The following FAM135B variants were observed in gnomAD, a reference collection of about 807,000 sequenced individuals.
FAM135B encodes the protein protein FAM135B.
A neutral mutation model predicts 127.7 loss-of-function variants in FAM135B; 43 were observed. The observed-to-expected ratio is 0.34, with a 90% confidence interval of 0.26 to 0.43. The LOEUF is 0.43. Ranked by LOEUF, FAM135B falls within the 20% of genes least tolerant of loss-of-function variation. The pLI, the probability that FAM135B is intolerant of heterozygous loss-of-function variation, is 1.00. For missense variants in FAM135B, 1,558 were observed against 1,725.6 expected (o/e 0.90, Z 1.72); for synonymous variants, 670 against 665.1 (o/e 1.01, Z -0.11).
intron 1 of FAM135B, among the ~76,000 whole-genome samples, chr8:138,456,288 T>C (rs1326990461): frequency 6.6e-6 from 1 of 152,238 alleles, no homozygotes; most frequent in Non-Finnish European, 1.5e-5. Flanking sequence ...GTCACCAAAA[T>C]GAACTAAGAG....
rs931915969 is a variant in FAM135B at position 138,497,058 on chromosome 8, C to T, written c.-407G>A. Among the ~76,000 whole-genome samples the T allele has an allele frequency of 4.6e-5, 7 of 151,844 alleles. No individual in the cohort carries two copies. Among genetic ancestry groups the T allele is most frequent in the Non-Finnish European group, 7.4e-5 (5 of 67,922 alleles). ...AGCGCCGCAAGAAAGCAAGGACCGA[C>T]CGGCTGCGCCCGCGCCGCTGGGCTG... On this transcript the variant is annotated 5_prime_UTR_variant, in exon 1 of 20. Transcript: ENST00000395297.
rs2130691298 is a variant in FAM135B, at chr8:138,148,597, G to A, written c.3371C>T (p.Pro1124Leu). 4 of 1,612,302 alleles carry A rather than the reference G, an allele frequency of 2.5e-6. No homozygotes were observed. The highest frequency in any genetic ancestry group is 1.3e-5 in the African/African-American group (1 of 74,996). ...TTCCTCTTCCTCTGGTGGGAAATAT[G>A]GTATATCAGAAGCTAGTACAGTTAA... ...SDLTVLASDI[P>L]YFPPEEEEEN... is the part of the protein sequence containing the mutation. The change falls in exon 14 of 20, where the codon CCA (proline) becomes CTA (leucine). Residue 1124 changes from proline to leucine, a missense_variant. This residue lies in a region of FAM135B where 923 missense variants were observed against 865.3 expected (regional missense o/e 1.07). Transcript: ENST00000395297.
At chr8:138,454,949 G>A (rs549730173) in intron 1 of FAM135B, among the ~76,000 whole-genome samples, 26 of 152,270 alleles carry the variant, frequency 1.7e-4, no homozygotes, top group Middle Eastern at 6.8e-3. Flanking sequence ...TTCAATAAAC[G>A]TATTGAGTCA....
At chr8:138,229,729 C>T (rs542557065) in intron 7 of FAM135B, among the ~76,000 whole-genome samples, 33 of 152,150 alleles carry the variant, frequency 2.2e-4, no homozygotes, top group Admixed American at 6.5e-4. Flanking sequence ...TTAATTGACT[C>T]CCAGTTTCAC....
chr8:138,402,185 C>G (rs567322573), intron 1 of FAM135B, among the ~76,000 whole-genome samples: 5 of 143,276 alleles, frequency 3.5e-5, no homozygotes, highest in Non-Finnish European at 7.5e-5. Context: ...GCAGACTCAG[C>G]AGTACCTGGA....
intron 3 of FAM135B, among the ~76,000 whole-genome samples, chr8:138,272,715 G>A (rs937018526): frequency 6.6e-6 from 1 of 152,180 alleles, no homozygotes; most frequent in African/African-American, 2.4e-5. Context: ...GTTGCCTCTA[G>A]TACACTTTAG....
At position 138,242,157 on chromosome 8, in the gene FAM135B, A is replaced by C. The variant is rs1820840071; in HGVS notation, c.669+785T>G. Reference sequence around the variant, plus strand: ...ATCATGTGAGTCAATTACTTATGATAAATCTCTTTGTGTGTGTGTGTGTGT... The same window carrying C: ...ATCATGTGAGTCAATTACTTATGATCAATCTCTTTGTGTGTGTGTGTGTGT... On this transcript the variant is annotated intron_variant, in intron 7 of 19. Transcript: ENST00000395297. This position sits in a 1 kb window ranked among gnomAD's most constrained non-coding sequence, Gnocchi z 9.6. 7.0e-6 allele frequency among the ~76,000 whole-genome samples: 1 copy of C among 143,240 alleles called. No homozygotes were observed. Among genetic ancestry groups the C allele is most frequent in the Non-Finnish European group, 1.5e-5 (1 of 66,394 alleles). 94.0% of individuals were successfully genotyped at this position (143,240 alleles called of 152,430 possible).
At chr8:138,193,725 G>A (rs1168354958) in intron 9 of FAM135B, among the ~76,000 whole-genome samples, 1 of 152,206 alleles carries the variant, frequency 6.6e-6, no homozygotes, top group Non-Finnish European at 1.5e-5. Context: ...CACCAGAGAA[G>A]AGCAGACCCC....
intron 1 of FAM135B, among the ~76,000 whole-genome samples, chr8:138,446,473 C>A (rs1365473472): frequency 2.0e-5 from 3 of 152,116 alleles, no homozygotes; most frequent in African/African-American, 7.2e-5. Flanking sequence ...ACCAATGGAA[C>A]AGAACAGAGG....
At chr8:138,163,625 C>A (rs1819623116) in intron 12 of FAM135B, among the ~76,000 whole-genome samples, 1 of 152,108 alleles carries the variant, frequency 6.6e-6, no homozygotes, top group Admixed American at 6.5e-5. Context: ...TGCCTGCTGC[C>A]ATGTAAGACG....
At chr8:138,422,476 T>G (rs2131461341) in intron 1 of FAM135B, among the ~76,000 whole-genome samples, 1 of 152,166 alleles carries the variant, frequency 6.6e-6, no homozygotes, top group East Asian at 1.9e-4. Context: ...CAGACACTTC[T>G]CAAAATAAGA....
At position 138,396,852 on chromosome 8, in the gene FAM135B, T is replaced by A. The variant is rs903850251; in HGVS notation, c.-19-28850A>T. Among the ~76,000 whole-genome samples, 3 of 152,074 alleles carry A rather than the reference T, an allele frequency of 2.0e-5. No individual in the cohort carries two copies. The East Asian group carries it at 5.8e-4, about 29-fold the overall frequency. On this transcript the variant is annotated intron_variant, in intron 1 of 19. Coordinates refer to ENST00000395297, the MANE Select transcript of FAM135B (RefSeq NM_015912.4). ...ATCTGGTTACCTTCCCCTAGACCTA[T>A]CCCCAGACAGCACCTGCTTCTGCTT...
At chr8:138,390,835 A>T (rs883972) in intron 1 of FAM135B, among the ~76,000 whole-genome samples, 97,946 of 151,968 alleles carry the variant, frequency 0.64, 33,117 homozygotes, top group African/African-American at 0.85. Flanking sequence ...TGGCAGTGTT[A>T]GAAGCAGAGC....
chr8:138,416,510 A>G (rs981775528), intron 1 of FAM135B, among the ~76,000 whole-genome samples: 2 of 152,106 alleles, frequency 1.3e-5, no homozygotes, highest in Admixed American at 6.6e-5. Flanking sequence ...TCATCCTTTT[A>G]GTCTATCTTT....
intron 11 of FAM135B, among the ~76,000 whole-genome samples, chr8:138,169,542 A>T (rs1820243588): frequency 6.7e-6 from 1 of 150,228 alleles, no homozygotes; most frequent in Non-Finnish European, 1.5e-5. Flanking sequence ...TTCTCAGCAT[A>T]TTTAACTCTT....
At chr8:138,312,671 C>T (rs566600649) in intron 2 of FAM135B, among the ~76,000 whole-genome samples, 1 of 152,304 alleles carries the variant, frequency 6.6e-6, no homozygotes, top group South Asian at 2.1e-4. Context: ...CCACCTCCAC[C>T]CACACCAGCA....
In FAM135B at chr8:138,243,626, T is replaced by C. The variant is rs1166551482; in HGVS notation, c.543-558A>G. On this transcript the variant is annotated intron_variant, in intron 6 of 19. Transcript: ENST00000395297. This position sits in a 1 kb window ranked among gnomAD's most constrained non-coding sequence, Gnocchi z 7.5. The stretch of plus-strand genomic sequence containing the variant: ...GACCATAACCTGCTCAGCTCACAAA[T>C]GTGCAGTTCCTGCCCAGCTCTGCAA... Among the ~76,000 whole-genome samples, 1 of 152,230 alleles carries C rather than the reference T, an allele frequency of 6.6e-6. No individual in the cohort carries two copies. Among genetic ancestry groups the C allele is most frequent in the Non-Finnish European group, 1.5e-5 (1 of 68,040 alleles).
Position 138,340,518 on chromosome 8 carries a change from G to A in FAM135B, c.77+27389C>T, listed in dbSNP as rs373517217. On this transcript the variant is annotated intron_variant, in intron 2 of 19. Transcript: ENST00000395297. The stretch of plus-strand genomic sequence containing the variant: ...GACGGAGAGAGGATGATGGGTCCTG[G>A]CCACACAGCTAGGAGTTAACCCAGG... Among the ~76,000 whole-genome samples, 216 of 152,232 alleles carry A rather than the reference G, an allele frequency of 1.4e-3. 1 individual carries two copies. Among genetic ancestry groups the A allele is most frequent in the African/African-American group, 5.0e-3 (209 of 41,540 alleles).
chr8:138,356,941 G>A (rs781399947), intron 2 of FAM135B, among the ~76,000 whole-genome samples: 1 of 152,126 alleles, frequency 6.6e-6, no homozygotes, highest in African/African-American at 2.4e-5. Flanking sequence ...GGTTTTAGAA[G>A]GGGTGGAGCA....
Sources: gnomAD v4.1 joint callset for allele counts (sites outside exome capture counted in the v4.1 genomes callset) on GRCh38, gnomAD v4.1.1 for gene constraint, gnomAD v4.1.1 regional missense constraint, Gnocchi (gnomAD v3.1) non-coding constraint, MANE v1.5 for transcripts, NCBI Gene and HGNC (gene_info 2026-07-23, HGNC 2026-07-21) for gene names.